The following CYP7B1 variants were observed in gnomAD, a reference collection of about 807,000 sequenced individuals.
CYP7B1 encodes cytochrome P450 family 7 subfamily B member 1, also known as cytochrome P450 7B1.
A neutral mutation model predicts 42.7 loss-of-function variants in CYP7B1; 29 were observed. The ratio of observed to expected loss-of-function variants is 0.68; its 90% CI spans 0.51 to 0.93. The LOEUF is 0.93. Among genes scored for constraint, CYP7B1 ranks in the 40% least tolerant of loss-of-function variants. CYP7B1 has a pLI of 0.00. For missense variants in CYP7B1, 655 were observed against 600.5 expected, an observed-to-expected ratio of 1.09 and a Z score of -0.95; for synonymous variants, 235 against 218.2, an observed-to-expected ratio of 1.08 and a Z score of -0.68.
At chr8:64,621,561 G>A (rs1282605804) in intron 2 of CYP7B1, among the ~76,000 whole-genome samples, 1 of 152,074 alleles carries the variant, frequency 6.6e-6, no homozygotes, top group East Asian at 1.9e-4. Context: ...CAAACAACAT[G>A]GTGCATTCAT....
intron 2 of CYP7B1, among the ~76,000 whole-genome samples, chr8:64,617,125 C>T (rs116150728): frequency 1.1e-3 from 165 of 152,234 alleles, no homozygotes; most frequent in African/African-American, 3.8e-3. Flanking sequence ...GAGTTATCAC[C>T]AAGGTCTCTT....
intron 1 of CYP7B1, among the ~76,000 whole-genome samples, chr8:64,746,395 G>A (rs555107044): frequency 7.2e-5 from 11 of 152,160 alleles, no homozygotes; most frequent in African/African-American, 2.2e-4. Context: ...TGAGAATAAC[G>A]CAAGAGGCAC....
chr8:64,693,770 CGTGT>C (rs536577682), intron 1 of CYP7B1, among the ~76,000 whole-genome samples: 35 of 151,922 alleles, frequency 2.3e-4, no homozygotes, highest in Non-Finnish European at 3.7e-4. Flanking sequence ...CACATATATA[CGTGT>C]GTGTGTGTAA....
chr8:64,704,832 T>C (rs1806969565), intron 1 of CYP7B1, among the ~76,000 whole-genome samples: 1 of 152,100 alleles, frequency 6.6e-6, no homozygotes, highest in Admixed American at 6.6e-5. Flanking sequence ...CTAGAGTATG[T>C]CTGTGTGGCA....
chr8:64,694,154 C>G lies in CYP7B1; in HGVS notation c.123-69615G>C, dbSNP rs138415304. Among the ~76,000 whole-genome samples the G allele has an allele frequency of 1.2e-4, 19 of 152,182 alleles. No individual in the cohort carries two copies. The South Asian group carries it at 3.3e-3, about 27-fold the overall frequency. ...CTGAATATTTCATGAACATGAAGACCCCCTTTAATTGCTTCATTCCTGCCC... is the reference window on the plus strand; with the variant it reads ...CTGAATATTTCATGAACATGAAGACGCCCTTTAATTGCTTCATTCCTGCCC... On this transcript the variant is annotated intron_variant, in intron 1 of 5. Coordinates refer to ENST00000310193, the MANE Select transcript of CYP7B1 (RefSeq NM_004820.5).
intron 1 of CYP7B1, among the ~76,000 whole-genome samples, chr8:64,771,595 C>T (rs762125672): frequency 3.8e-4 from 58 of 152,164 alleles, no homozygotes; most frequent in Non-Finnish European, 5.3e-4. Flanking sequence ...CTAAAACTGG[C>T]CTCAGGTGCA....
chr8:64,725,693 A>T (rs970931253), intron 1 of CYP7B1, among the ~76,000 whole-genome samples: 2 of 152,182 alleles, frequency 1.3e-5, no homozygotes, highest in African/African-American at 4.8e-5. Context: ...GTAGGTTAGG[A>T]GGAGGAGCAG....
At chr8:64,685,163 C>T (rs193040676) in intron 1 of CYP7B1, among the ~76,000 whole-genome samples, 1,884 of 152,108 alleles carry the variant, frequency 0.012, 22 homozygotes, top group Non-Finnish European at 0.02. Flanking sequence ...GCCCCGCCGG[C>T]GAGCGCCGCC....
At chr8:64,647,190 A>G (rs1368819516) in intron 1 of CYP7B1, among the ~76,000 whole-genome samples, 6 of 152,176 alleles carry the variant, frequency 3.9e-5, no homozygotes, top group Admixed American at 3.9e-4. Flanking sequence ...GTCAGAATAC[A>G]TACAACATTT....
At chr8:64,763,867 C>A (rs1350489999) in intron 1 of CYP7B1, among the ~76,000 whole-genome samples, 1 of 152,246 alleles carries the variant, frequency 6.6e-6, no homozygotes, top group East Asian at 1.9e-4. Context: ...CCTCCTGGGT[C>A]CCGACCATGA....
intron 1 of CYP7B1, among the ~76,000 whole-genome samples, chr8:64,677,023 G>A (rs1019568156): frequency 6.6e-6 from 1 of 151,950 alleles, no homozygotes; most frequent in Non-Finnish European, 1.5e-5. Context: ...AATGTAAAAG[G>A]CAACACATTA....
intron 1 of CYP7B1, among the ~76,000 whole-genome samples, chr8:64,755,163 G>A (rs910184741): frequency 6.6e-6 from 1 of 152,170 alleles, no homozygotes; most frequent in Non-Finnish European, 1.5e-5. Context: ...CCAGGTGTGT[G>A]CATATGTGTG....
intron 1 of CYP7B1, among the ~76,000 whole-genome samples, chr8:64,648,031 C>G (rs1413937388): frequency 6.6e-6 from 1 of 152,100 alleles, no homozygotes; most frequent in Non-Finnish European, 1.5e-5. Context: ...TTAATTCAAG[C>G]AATTACTCTA....
chr8:64,609,930 T>C (rs944409553), intron 4 of CYP7B1, among the ~76,000 whole-genome samples: 17 of 152,154 alleles, frequency 1.1e-4, no homozygotes, highest in Non-Finnish European at 4.4e-5. Context: ...GAGCTTTTTT[T>C]AAAGCCATCA....
chr8:64,654,454 T>A (rs2129631267), intron 1 of CYP7B1, among the ~76,000 whole-genome samples: 1 of 152,168 alleles, frequency 6.6e-6, no homozygotes, highest in South Asian at 2.1e-4. Flanking sequence ...CCTAGGAATA[T>A]AACTAACCAG....
chr8:64,666,232 T>C (rs1369962217), intron 1 of CYP7B1, among the ~76,000 whole-genome samples: 2 of 152,182 alleles, frequency 1.3e-5, no homozygotes, highest in African/African-American at 4.8e-5. Context: ...ATGTTATGTT[T>C]TAGAGACAGA....
chr8:64,696,376 C>T (rs1806828272), intron 1 of CYP7B1, among the ~76,000 whole-genome samples: 1 of 152,048 alleles, frequency 6.6e-6, no homozygotes, highest in African/African-American at 2.4e-5. Context: ...AATATTGAAA[C>T]AAAGTTCTGG....
At chr8:64,794,630 G>C (rs917556635) in intron 1 of CYP7B1, among the ~76,000 whole-genome samples, 3 of 152,090 alleles carry the variant, frequency 2.0e-5, no homozygotes, top group African/African-American at 7.2e-5. Flanking sequence ...CATCTATGAA[G>C]GCATTGCCCT....
At chr8:64,693,781 G>A (rs990652722) in intron 1 of CYP7B1, among the ~76,000 whole-genome samples, 4 of 152,280 alleles carry the variant, frequency 2.6e-5, no homozygotes, top group Admixed American at 2.6e-4. Flanking sequence ...GTGTGTGTGT[G>A]TAACTTGTTT....
Sources: gnomAD v4.1 joint callset for allele counts (sites outside exome capture counted in the v4.1 genomes callset) on GRCh38, gnomAD v4.1.1 for gene constraint, MANE v1.5 for transcripts, NCBI Gene and HGNC (gene_info 2026-07-23, HGNC 2026-07-21) for gene names.